Variants in ATG7 observed in about 807,000 individuals in gnomAD.
The protein encoded by ATG7 is ubiquitin-like modifier-activating enzyme ATG7.
Under a neutral mutation model 82.4 loss-of-function variants are expected in ATG7, and 70 were observed. That is an observed-to-expected ratio of 0.85 (90% CI 0.70 to 1.04). The LOEUF (loss-of-function observed/expected upper bound fraction) is 1.04, where lower values mean the gene tolerates loss of function less well. Ranked by LOEUF, ATG7 falls within the 50% of genes least tolerant of loss-of-function variation. The pLI, the probability that ATG7 is intolerant of heterozygous loss-of-function variation, is 0.00. For missense variants in ATG7, 792 were observed against 864.3 expected, an observed-to-expected ratio of 0.92 and a Z score of 1.05; for synonymous variants, 287 against 313.0, an observed-to-expected ratio of 0.92 and a Z score of 0.88.
chr3:11,574,419 A>C, the ATG7 span, among the ~76,000 whole-genome samples: 1 of 152,298 alleles, frequency 6.6e-6, no homozygotes, highest in South Asian at 2.1e-4. Context: ...GTCCAAACAG[A>C]GACCAGAGCT....
At chr3:11,520,290 A>G (rs1247766333) in intron 20 of ATG7, among the ~76,000 whole-genome samples, 2 of 152,044 alleles carry the variant, frequency 1.3e-5, no homozygotes, top group Non-Finnish European at 2.9e-5. Flanking sequence ...GTTTATTAAA[A>G]CTTTCCCAGC....
intron 20 of ATG7, among the ~76,000 whole-genome samples, chr3:11,441,172 T>C (rs1342306449): frequency 1.3e-5 from 2 of 152,314 alleles, no homozygotes; most frequent in African/African-American, 4.8e-5. Flanking sequence ...ACCTTAATCC[T>C]CTTTGAAAGA....
At chr3:11,521,675 C>T (rs1176973766) in intron 20 of ATG7, among the ~76,000 whole-genome samples, 1 of 152,108 alleles carries the variant, frequency 6.6e-6, no homozygotes, top group East Asian at 1.9e-4. Flanking sequence ...GCCTCAGCCT[C>T]CCGAGTAGCT....
intron 20 of ATG7, among the ~76,000 whole-genome samples, chr3:11,462,241 C>G (rs535243032): frequency 6.6e-6 from 1 of 152,136 alleles, no homozygotes; most frequent in African/African-American, 2.4e-5. Context: ...TCAGGGCCCT[C>G]TCGTCACCAT....
At chr3:11,558,475 ATTT>A (rs369629845), downstream of ATG7, 101 of 789,864 alleles carry the variant, frequency 1.3e-4, no homozygotes, top group African/African-American at 1.7e-3. Flanking sequence ...CACCCCCATG[ATTT>A]TTTTTTTTTT....
chr3:11,404,629 C>T (rs181300474), intron 19 of ATG7, among the ~76,000 whole-genome samples: 1 of 152,112 alleles, frequency 6.6e-6, no homozygotes, highest in African/African-American at 2.4e-5. Context: ...ATTAGTCTTT[C>T]TCATGCTGCT....
At chr3:11,360,386 G>T (rs982571025) in intron 15 of ATG7, among the ~76,000 whole-genome samples, 195 bp from the exon 16 acceptor site, 1 of 152,154 alleles carries the variant, frequency 6.6e-6, no homozygotes, top group African/African-American at 2.4e-5. Flanking sequence ...GATAATTTAT[G>T]TTCATCACTT....
intron 9 of ATG7, among the ~76,000 whole-genome samples, chr3:11,323,505 A>G (rs1486719653): frequency 1.3e-5 from 2 of 152,336 alleles, no homozygotes; most frequent in South Asian, 4.1e-4. Flanking sequence ...CTCCATTGCT[A>G]CAACAGATCA....
At chr3:11,511,757 G>A (rs1365616922) in intron 20 of ATG7, among the ~76,000 whole-genome samples, 1 of 152,186 alleles carries the variant, frequency 6.6e-6, no homozygotes, top group East Asian at 1.9e-4. Flanking sequence ...AGGCAGCTAA[G>A]GCCCAGCGAG....
At chr3:11,506,425 C>T (rs1331206552) in intron 20 of ATG7, among the ~76,000 whole-genome samples, 2 of 152,034 alleles carry the variant, frequency 1.3e-5, no homozygotes, top group African/African-American at 4.8e-5. Context: ...AAAACATTTC[C>T]ATCATTGGTT....
chr3:11,518,967 A>G (rs2092360014), intron 20 of ATG7, among the ~76,000 whole-genome samples: 1 of 152,080 alleles, frequency 6.6e-6, no homozygotes, highest in African/African-American at 2.4e-5. Flanking sequence ...CCTAATAAAA[A>G]TTTTCATCAA....
intron 11 of ATG7, among the ~76,000 whole-genome samples, chr3:11,338,427 A>G (rs1014577344): frequency 1.3e-5 from 2 of 152,232 alleles, no homozygotes; most frequent in African/African-American, 2.4e-5. Flanking sequence ...ATCTAAGAGT[A>G]GTAATAAAAT....
At chr3:11,561,780 A>T (rs1422220720), downstream of ATG7, among the ~76,000 whole-genome samples, 1 of 148,242 alleles carries the variant, frequency 6.7e-6, no homozygotes, top group Non-Finnish European at 1.5e-5. Context: ...TAACCCCTTC[A>T]CCCGCTGTCC....
At chr3:11,466,437 A>G (rs1254333005) in intron 20 of ATG7, among the ~76,000 whole-genome samples, 3 of 152,252 alleles carry the variant, frequency 2.0e-5, no homozygotes, top group Admixed American at 2.0e-4. Flanking sequence ...GACACAAAAC[A>G]GTCACTCATT....
At position 11,478,400 on chromosome 3, in the gene ATG7, G is replaced by A. The variant is rs112474379; in HGVS notation, c.2079+51474G>A. Among the ~76,000 whole-genome samples the A allele has an allele frequency of 4.8e-3, 735 of 152,226 alleles. 8 individuals carry two copies. The highest frequency in any genetic ancestry group is 6.6e-3 in the Non-Finnish European group (449 of 68,010). On this transcript the variant is annotated intron_variant, in intron 20 of 20. Coordinates refer to ENST00000693202, the MANE Select transcript of ATG7 (RefSeq NM_001349232.2). ...TGAGAACCAAACACCCATTAATGGT[G>A]TGGTCTAAGGACAAGGTCCTGAAGA...
intron 20 of ATG7, among the ~76,000 whole-genome samples, chr3:11,482,689 TAGAG>T (rs1317048391): frequency 1.3e-5 from 2 of 152,140 alleles, no homozygotes; most frequent in East Asian, 3.8e-4. Flanking sequence ...ATCTGAGTGA[TAGAG>T]AGCTGACCTC....
intron 16 of ATG7, among the ~76,000 whole-genome samples, chr3:11,361,068 T>C (rs1466108835): frequency 6.6e-6 from 1 of 152,152 alleles, no homozygotes; most frequent in Non-Finnish European, 1.5e-5. Context: ...GCACTCCGTA[T>C]TGTCTCCGGT....
intron 13 of ATG7, among the ~76,000 whole-genome samples, chr3:11,343,651 A>C (rs530317933): frequency 1.3e-5 from 2 of 152,202 alleles, no homozygotes; most frequent in South Asian, 4.1e-4. Context: ...ATGAATGTGG[A>C]AATTTTTTGG....
At chr3:11,475,852 A>G (rs1196255211) in intron 20 of ATG7, among the ~76,000 whole-genome samples, 1 of 112,230 alleles carries the variant, frequency 8.9e-6, no homozygotes, top group Non-Finnish European at 1.9e-5. Context: ...GTCTATGTCC[A>G]TCTCTCTGTC....
Sources: gnomAD v4.1 joint callset for allele counts (sites outside exome capture counted in the v4.1 genomes callset) on GRCh38, gnomAD v4.1.1 for gene constraint, MANE v1.5 for transcripts, NCBI Gene and HGNC (gene_info 2026-07-23, HGNC 2026-07-21) for gene names.